The following GALNT10 variants were observed in gnomAD, a reference collection of about 807,000 sequenced individuals.
The protein encoded by GALNT10 is polypeptide N-acetylgalactosaminyltransferase 10, also known as GalNAc transferase 10.
Under a neutral mutation model 75.0 loss-of-function variants are expected in GALNT10, and 41 were observed. That is an observed-to-expected ratio of 0.55 (90% CI 0.43 to 0.71). The LOEUF (loss-of-function observed/expected upper bound fraction) is 0.71. Ranked by LOEUF, GALNT10 falls within the 30% of genes least tolerant of loss-of-function variation. The pLI is 0.00. For missense variants in GALNT10, 727 were observed against 818.5 expected (o/e 0.89, Z 1.36); for synonymous variants, 302 against 313.0 (o/e 0.96, Z 0.37).
chr5:154,295,033 G>A, intron 2 of GALNT10, 115 bp downstream of exon 2: 2 of 521,332 alleles, frequency 3.8e-6, no homozygotes, highest in East Asian at 3.2e-5. Context: ...TAGCAGGGGT[G>A]TCTGGACCTC....
chr5:154,260,809 G>C (rs1027380224), intron 1 of GALNT10, among the ~76,000 whole-genome samples: 2 of 152,182 alleles, frequency 1.3e-5, no homozygotes, highest in African/African-American at 4.8e-5. Context: ...CTTCACGTGA[G>C]TCAATGCAGC....
chr5:154,286,077 G>A (rs181445116), intron 1 of GALNT10, among the ~76,000 whole-genome samples: 11 of 152,186 alleles, frequency 7.2e-5, no homozygotes, highest in African/African-American at 2.7e-4. Context: ...GAAAGAAAGG[G>A]ACTATCTTTG....
At chr5:154,274,743 C>G (rs568201361) in intron 1 of GALNT10, among the ~76,000 whole-genome samples, 2 of 152,192 alleles carry the variant, frequency 1.3e-5, no homozygotes, top group Non-Finnish European at 2.9e-5. Flanking sequence ...GTTTGTTTAT[C>G]TAATGTAATA....
chr5:154,206,488 CAGAGCATGACG>C (rs1247427746), intron 1 of GALNT10, among the ~76,000 whole-genome samples: 1 of 152,196 alleles, frequency 6.6e-6, no homozygotes, highest in African/African-American at 2.4e-5. Flanking sequence ...GTGCATCAGG[CAGAGCATGACG>C]AGTGTTGCAA....
intron 1 of GALNT10, among the ~76,000 whole-genome samples, chr5:154,216,911 A>T (rs1301857284): frequency 2.6e-5 from 4 of 151,772 alleles, no homozygotes; most frequent in Non-Finnish European, 5.9e-5. Flanking sequence ...AGATTGTGTC[A>T]ACTTATGAAA....
At chr5:154,239,200 GTCTT>G (rs991656286) in intron 1 of GALNT10, among the ~76,000 whole-genome samples, 42 of 152,314 alleles carry the variant, frequency 2.8e-4, no homozygotes, top group African/African-American at 8.9e-4. Context: ...GGTAAGTACT[GTCTT>G]TATTTATAGT....
intron 4 of GALNT10, among the ~76,000 whole-genome samples, chr5:154,343,826 C>T (rs1755077014): frequency 1.3e-5 from 2 of 152,150 alleles, no homozygotes; most frequent in African/African-American, 4.8e-5. Flanking sequence ...CCCTCAAAAT[C>T]CTTCCTCAAT....
chr5:154,227,009 G>A (rs185833551), intron 1 of GALNT10, among the ~76,000 whole-genome samples: 1 of 151,172 alleles, frequency 6.6e-6, no homozygotes, highest in Admixed American at 6.6e-5. Context: ...CATTCATGTA[G>A]CATGTATCAA....
intron 4 of GALNT10, among the ~76,000 whole-genome samples, chr5:154,364,683 T>G (rs1323656512): frequency 6.6e-6 from 1 of 152,102 alleles, no homozygotes; most frequent in East Asian, 1.9e-4. Flanking sequence ...GGAAGGATTT[T>G]TTTTTCTTTT....
intron 1 of GALNT10, among the ~76,000 whole-genome samples, chr5:154,224,778 CTTTTT>C (rs549615789): frequency 8.5e-6 from 1 of 117,584 alleles, no homozygotes; most frequent in African/African-American, 3.1e-5. Flanking sequence ...AAGCTCACTT[CTTTTT>C]TTTTTTTTTT....
chr5:154,272,494 G>A (rs1032059904), intron 1 of GALNT10, among the ~76,000 whole-genome samples: 9 of 152,220 alleles, frequency 5.9e-5, no homozygotes, highest in Non-Finnish European at 1.3e-4. Flanking sequence ...AGGGTTACCT[G>A]TGGGTGTTTT....
chr5:154,211,915 C>T (rs1225291517), intron 1 of GALNT10, among the ~76,000 whole-genome samples: 1 of 152,120 alleles, frequency 6.6e-6, no homozygotes, highest in Non-Finnish European at 1.5e-5. Context: ...GACCTGGTCT[C>T]CAAAGCTATA....
chr5:154,325,246 A>G (rs1315045884), intron 3 of GALNT10, among the ~76,000 whole-genome samples: 1 of 152,208 alleles, frequency 6.6e-6, no homozygotes, highest in Non-Finnish European at 1.5e-5. Flanking sequence ...AGTTATATAT[A>G]TGCTAGAGAC....
At chr5:154,386,148 G>C (rs1755802323) in intron 6 of GALNT10, among the ~76,000 whole-genome samples, 165 bp from the exon 7 acceptor site, 1 of 152,224 alleles carries the variant, frequency 6.6e-6, no homozygotes, top group African/African-American at 2.4e-5. Flanking sequence ...TTGTAGGAAA[G>C]AAAGGGGGAT....
intron 4 of GALNT10, among the ~76,000 whole-genome samples, chr5:154,373,112 G>A (rs1755600181): frequency 1.3e-5 from 2 of 152,172 alleles, no homozygotes; most frequent in Non-Finnish European, 2.9e-5. Flanking sequence ...CTTTCATACT[G>A]AGCCAGGATA....
chr5:154,213,260 T>TA (rs1405841064), intron 1 of GALNT10, among the ~76,000 whole-genome samples: 12 of 152,202 alleles, frequency 7.9e-5, no homozygotes, highest in African/African-American at 2.4e-4. Context: ...AAGTGGTAAC[T>TA]ACAGCTACCA....
chr5:154,412,851 C>T lies in GALNT10; in HGVS notation c.1387-38C>T, dbSNP rs772803416. On this transcript the variant is annotated intron_variant, in intron 9 of 11. Transcript: ENST00000297107. This position sits in a 1 kb window ranked among gnomAD's most constrained non-coding sequence, Gnocchi z 4.2. The stretch of plus-strand genomic sequence containing the variant: ...CAGGGACCCGGTGGGCACCTTAAGG[C>T]ACCTCAGTGGTCCACTTCTTCCCTC... The T allele has an allele frequency of 2.1e-6, 3 of 1,424,204 alleles. No individual in the cohort carries two copies. The highest frequency in any genetic ancestry group is 3.0e-6 in the Non-Finnish European group (3 of 1,007,764). The allele number at this position is 1,424,204 out of a possible 1,614,324, so 88.2% of individuals were successfully genotyped here. A position where few individuals can be genotyped will look rare whatever the true frequency, so the allele number is the denominator to read the frequency against.
At chr5:154,404,753 G>T (rs1673274865) in intron 8 of GALNT10, among the ~76,000 whole-genome samples, 1 of 152,156 alleles carries the variant, frequency 6.6e-6, no homozygotes, top group Admixed American at 6.5e-5. Flanking sequence ...GTTTGGGAAA[G>T]CTTGCGTACT....
chr5:154,406,940 C>T (rs543577078), intron 8 of GALNT10, among the ~76,000 whole-genome samples: 16 of 152,244 alleles, frequency 1.1e-4, no homozygotes, highest in African/African-American at 3.4e-4. Context: ...TGAGATTGTA[C>T]GGACTCCGGA....
Sources: allele counts gnomAD v4.1 joint callset (sites outside exome capture counted in the v4.1 genomes callset), GRCh38; gene constraint gnomAD v4.1.1; non-coding constraint Gnocchi (gnomAD v3.1); transcripts MANE v1.5; gene names NCBI Gene and HGNC (gene_info 2026-07-23, HGNC 2026-07-21).